The following SBF2 variants were observed in gnomAD, a reference collection of about 807,000 sequenced individuals.
The protein encoded by SBF2 is SET binding factor 2, also known as myotubularin-related protein 13.
Under a neutral mutation model 225.2 loss-of-function variants are expected in SBF2, and 112 were observed. The observed-to-expected ratio is 0.50, with a 90% CI of 0.43 to 0.58. The LOEUF (loss-of-function observed/expected upper bound fraction) is 0.58. Among genes scored for constraint, SBF2 ranks in the 20% least tolerant of loss-of-function variants. SBF2 has a pLI of 0.00. For synonymous variants in SBF2, 763 were observed against 773.3 expected, an observed-to-expected ratio of 0.99 and a Z score of 0.22; for missense variants, 1,996 against 2,206.2, an observed-to-expected ratio of 0.90 and a Z score of 1.91.
intron 2 of SBF2, among the ~76,000 whole-genome samples, chr11:10,135,331 T>C (rs1954295061): frequency 6.6e-6 from 1 of 152,116 alleles, no homozygotes; most frequent in Non-Finnish European, 1.5e-5. Flanking sequence ...CACAGAGGTC[T>C]CTGACACGCC....
chr11:9,826,238 G>A (rs1388012770), intron 28 of SBF2, among the ~76,000 whole-genome samples: 1 of 152,124 alleles, frequency 6.6e-6, no homozygotes, highest in Non-Finnish European at 1.5e-5. Flanking sequence ...ATCTCCACAT[G>A]GGTTAACCTA....
At chr11:10,056,751 C>T (rs1950269955) in intron 2 of SBF2, among the ~76,000 whole-genome samples, 1 of 151,858 alleles carries the variant, frequency 6.6e-6, no homozygotes, top group Non-Finnish European at 1.5e-5. Context: ...AGGTTTCCAG[C>T]CAACAGAGAA....
At chr11:9,862,732 TA>T (rs202033656) in intron 17 of SBF2, among the ~76,000 whole-genome samples, 5 of 152,190 alleles carry the variant, frequency 3.3e-5, no homozygotes, top group Non-Finnish European at 7.4e-5. Flanking sequence ...ATAATTTATT[TA>T]AAAAAATTTT....
At chr11:10,273,085 AT>A (rs1326950831) in intron 1 of SBF2, among the ~76,000 whole-genome samples, 34 of 146,358 alleles carry the variant, frequency 2.3e-4, no homozygotes, top group African/African-American at 5.7e-4. Flanking sequence ...AAAAAAATAA[AT>A]AAATAAATAA....
chr11:9,933,325 G>C (rs538887554), intron 16 of SBF2, among the ~76,000 whole-genome samples: 4 of 152,118 alleles, frequency 2.6e-5, no homozygotes, highest in African/African-American at 2.4e-5. Context: ...GACATCTACA[G>C]AACTCTCCAC....
rs534750184 is a variant in SBF2 at position 9,789,651 on chromosome 11, C to G, written c.4699-309G>C. ...GTAGCACTGGAGGAGCTGGCCCCAG[C>G]CCCCTGTCCTTGGCCTCTCTTCTCC... On this transcript the variant is annotated intron_variant, in intron 34 of 39. Coordinates refer to ENST00000256190, the MANE Select transcript of SBF2 (RefSeq NM_030962.4). Among the ~76,000 whole-genome samples the G allele has an allele frequency of 1.2e-4, 18 of 152,298 alleles. No homozygotes were observed. The South Asian group carries it at 3.7e-3, about 32-fold the overall frequency.
At chr11:10,059,806 G>T (rs976159600) in intron 2 of SBF2, among the ~76,000 whole-genome samples, 1 of 152,174 alleles carries the variant, frequency 6.6e-6, no homozygotes, top group African/African-American at 2.4e-5. Context: ...AATTGAGGCA[G>T]AAATAAAGAA....
At chr11:9,959,819 G>A in intron 16 of SBF2, 1 of 579,772 alleles carries the variant, frequency 1.7e-6, no homozygotes, top group Non-Finnish European at 3.4e-6. Context: ...GAGCAGGCGG[G>A]TAGGTAAAGG....
At chr11:9,797,693 G>C (rs1402014271) in intron 32 of SBF2, among the ~76,000 whole-genome samples, 1 of 152,238 alleles carries the variant, frequency 6.6e-6, no homozygotes, top group Non-Finnish European at 1.5e-5. Flanking sequence ...AAACTGGCTG[G>C]GCGTGGTGGC....
intron 1 of SBF2, among the ~76,000 whole-genome samples, chr11:10,225,326 C>T (rs1958497653): frequency 6.6e-6 from 1 of 150,712 alleles, no homozygotes; most frequent in Admixed American, 6.6e-5. Context: ...AAAAAAAAGA[C>T]ACAAGTGGAA....
chr11:10,079,879 G>A (rs887534043), intron 2 of SBF2, among the ~76,000 whole-genome samples: 3 of 152,014 alleles, frequency 2.0e-5, no homozygotes, highest in African/African-American at 7.3e-5. Context: ...AATCCCAAGA[G>A]ACTAACAGTA....
intron 17 of SBF2, among the ~76,000 whole-genome samples, chr11:9,880,355 C>A (rs1260349902): frequency 6.6e-6 from 1 of 152,198 alleles, no homozygotes; most frequent in Non-Finnish European, 1.5e-5. Flanking sequence ...AAATTTCGCG[C>A]TTCTTTTGAA....
At chr11:10,300,883 A>C (rs796915149) in intron 1 of SBF2, among the ~76,000 whole-genome samples, 7 of 150,656 alleles carry the variant, frequency 4.6e-5, no homozygotes, top group African/African-American at 1.7e-4. Flanking sequence ...TCCTGAGCTC[A>C]AGAGATCCAC....
chr11:10,020,076 G>A (rs1851453603), intron 6 of SBF2, among the ~76,000 whole-genome samples: 1 of 152,004 alleles, frequency 6.6e-6, no homozygotes, highest in South Asian at 2.1e-4. Flanking sequence ...ATCAGGTGAT[G>A]GTCAGGTAAG....
intron 2 of SBF2, among the ~76,000 whole-genome samples, chr11:10,059,874 T>C (rs1950368838): frequency 6.6e-6 from 1 of 152,150 alleles, no homozygotes; most frequent in Admixed American, 6.5e-5. Context: ...GGGACACAGC[T>C]AAAGCAGTGT....
intron 2 of SBF2, among the ~76,000 whole-genome samples, chr11:10,126,193 A>G (rs1201210501): frequency 6.6e-6 from 1 of 152,206 alleles, no homozygotes; most frequent in African/African-American, 2.4e-5. Context: ...AAACTGCACA[A>G]AATGTTTTAT....
At chr11:9,846,535 T>C (rs1856559709) in intron 23 of SBF2, among the ~76,000 whole-genome samples, 1 of 152,226 alleles carries the variant, frequency 6.6e-6, no homozygotes, top group South Asian at 2.1e-4. Context: ...TTATCAGGGG[T>C]ATGCAACTAG....
chr11:10,141,868 T>C (rs1433034633), intron 2 of SBF2, among the ~76,000 whole-genome samples: 1 of 152,194 alleles, frequency 6.6e-6, no homozygotes. Flanking sequence ...CCAGAAAATT[T>C]CTGAGTTTAA....
chr11:9,997,041 G>A (rs184778580), intron 9 of SBF2, among the ~76,000 whole-genome samples: 97 of 152,178 alleles, frequency 6.4e-4, no homozygotes, highest in Non-Finnish European at 1.2e-3. Flanking sequence ...AATTATATAA[G>A]GAAAAGTCAG....
Sources: gnomAD v4.1 joint callset for allele counts (sites outside exome capture counted in the v4.1 genomes callset) on GRCh38, gnomAD v4.1.1 for gene constraint, MANE v1.5 for transcripts, NCBI Gene and HGNC (gene_info 2026-07-23, HGNC 2026-07-21) for gene names.